UBE2E3: variants seen among roughly 807,000 people sequenced by gnomAD.
The protein encoded by UBE2E3 is ubiquitin-conjugating enzyme E2 E3.
UBE2E3 carries 5 observed loss-of-function variants against 23.6 expected under a neutral mutation model. That is an observed-to-expected ratio of 0.21 (90% CI 0.11 to 0.44). UBE2E3 has a LOEUF of 0.44. Ranked by LOEUF, UBE2E3 falls within the 20% of genes least tolerant of loss-of-function variation. UBE2E3 has a pLI of 0.99. For synonymous variants in UBE2E3, 78 were observed against 87.5 expected (o/e 0.89, Z 0.60); for missense variants, 81 against 249.8 (o/e 0.32, Z 4.55).
chr2:180,984,652 ATTGC>A (rs1293716341), intron 3 of UBE2E3, among the ~76,000 whole-genome samples: 1 of 152,172 alleles, frequency 6.6e-6, no homozygotes, highest in Non-Finnish European at 1.5e-5. Flanking sequence ...AAATGTCCTA[ATTGC>A]TTGGGAACAT....
At chr2:181,053,734 G>A (rs1574223274) in intron 3 of UBE2E3, among the ~76,000 whole-genome samples, 1 of 151,646 alleles carries the variant, frequency 6.6e-6, no homozygotes, top group African/African-American at 2.4e-5. Context: ...TTTCATATGG[G>A]TTCACTCTTG....
chr2:181,028,159 A>T (rs1269727975), intron 3 of UBE2E3, among the ~76,000 whole-genome samples: 1 of 152,086 alleles, frequency 6.6e-6, no homozygotes, highest in Non-Finnish European at 1.5e-5. Flanking sequence ...TAATGTAATT[A>T]CCTATTAATG....
intron 3 of UBE2E3, 86 bp downstream of exon 3, chr2:180,984,179 A>G: frequency 8.5e-7 from 1 of 1,173,890 alleles, no homozygotes; most frequent in Admixed American, 2.1e-5. Context: ...TGTGCAGCAG[A>G]GGAGACAACA....
chr2:181,058,633 T>C (rs1291860809), intron 4 of UBE2E3, among the ~76,000 whole-genome samples: 1 of 151,712 alleles, frequency 6.6e-6, no homozygotes, highest in African/African-American at 2.4e-5. Flanking sequence ...TATGGTGAAA[T>C]GTTTTTCTTT....
At chr2:180,988,474 A>G (rs939641424) in intron 3 of UBE2E3, among the ~76,000 whole-genome samples, 1 of 152,206 alleles carries the variant, frequency 6.6e-6, no homozygotes, top group African/African-American at 2.4e-5. Flanking sequence ...TCAATAGAGA[A>G]TATTATGATT....
intron 3 of UBE2E3, among the ~76,000 whole-genome samples, chr2:181,025,466 C>G (rs894355875): frequency 7.0e-6 from 1 of 142,842 alleles, no homozygotes; most frequent in African/African-American, 2.6e-5. Flanking sequence ...AACTTTGATA[C>G]TTCCTTTTCC....
chr2:181,024,729 A>T (rs1685824809), intron 3 of UBE2E3, among the ~76,000 whole-genome samples: 1 of 152,088 alleles, frequency 6.6e-6, no homozygotes, highest in Non-Finnish European at 1.5e-5. Flanking sequence ...ATCCTTGAGT[A>T]ATCTATTTTT....
intron 3 of UBE2E3, among the ~76,000 whole-genome samples, chr2:181,021,551 A>C (rs1290607041): frequency 3.3e-4 from 9 of 27,206 alleles, no homozygotes; most frequent in African/African-American, 8.2e-4. Flanking sequence ...TTTTAAATAT[A>C]CTCCCTTCCT....
At chr2:181,013,605 G>A (rs1685396738) in intron 3 of UBE2E3, among the ~76,000 whole-genome samples, 1 of 152,162 alleles carries the variant, frequency 6.6e-6, no homozygotes, top group South Asian at 2.1e-4. Flanking sequence ...ACATTTCCAT[G>A]TAACCTGGAC....
At chr2:181,036,218 A>G (rs969203501) in intron 3 of UBE2E3, among the ~76,000 whole-genome samples, 1 of 152,212 alleles carries the variant, frequency 6.6e-6, no homozygotes. Flanking sequence ...TGGGTTGGGC[A>G]TATAGATCAG....
At chr2:181,002,652 A>G (rs62180118) in intron 3 of UBE2E3, among the ~76,000 whole-genome samples, 35,346 of 152,156 alleles carry the variant, frequency 0.23, 4,467 homozygotes, top group Non-Finnish European at 0.28. Context: ...TAATATAAAA[A>G]TTAATGAGAT....
intron 4 of UBE2E3, among the ~76,000 whole-genome samples, chr2:181,058,048 C>G (rs987829258): frequency 6.6e-6 from 1 of 151,612 alleles, no homozygotes; most frequent in African/African-American, 2.4e-5. Context: ...GTAAATAAAA[C>G]TATACCTTGC....
intron 3 of UBE2E3, among the ~76,000 whole-genome samples, chr2:181,015,321 A>G (rs1574183807): frequency 6.6e-6 from 1 of 152,172 alleles, no homozygotes; most frequent in Non-Finnish European, 1.5e-5. Context: ...CACATAGCTT[A>G]TATGTGTTCT....
chr2:180,996,140 T>C (rs956828706), intron 3 of UBE2E3, among the ~76,000 whole-genome samples: 4 of 152,230 alleles, frequency 2.6e-5, no homozygotes, highest in Non-Finnish European at 5.9e-5. Flanking sequence ...ATTGCTTTGC[T>C]CTAGGAAACC....
intron 3 of UBE2E3, among the ~76,000 whole-genome samples, chr2:181,034,792 T>G (rs1228141919): frequency 6.6e-6 from 1 of 152,190 alleles, no homozygotes; most frequent in Non-Finnish European, 1.5e-5. Context: ...TATTCAGGTT[T>G]CTAAAGAACA....
Position 181,036,748 on chromosome 2 carries a change from T to C in UBE2E3, c.246-20945T>C, listed in dbSNP as rs191487876. Among the ~76,000 whole-genome samples the C allele has an allele frequency of 8.1e-4, 124 of 152,332 alleles. 1 individual carries two copies. The highest frequency in any genetic ancestry group is 3.0e-3 in the African/African-American group (124 of 41,566). ...ACTCTAACTTGTTTTTTATTAACTT[T>C]TCTTAACTGTATGTATAGCTCACAT... On this transcript the variant is annotated intron_variant, in intron 3 of 5. Transcript: ENST00000410062.
chr2:180,982,503 G>T (rs1684332063), intron 2 of UBE2E3, among the ~76,000 whole-genome samples: 1 of 152,062 alleles, frequency 6.6e-6, no homozygotes. Context: ...CTGACAGATT[G>T]TTTAAGGAGT....
At chr2:181,032,778 T>C (rs1686124357) in intron 3 of UBE2E3, among the ~76,000 whole-genome samples, 1 of 152,030 alleles carries the variant, frequency 6.6e-6, no homozygotes, top group African/African-American at 2.4e-5. Context: ...AATTTAGGAT[T>C]ATCAAACACT....
chr2:181,034,457 C>G (rs1025052801), intron 3 of UBE2E3, among the ~76,000 whole-genome samples: 15 of 152,144 alleles, frequency 9.9e-5, no homozygotes, highest in African/African-American at 3.4e-4. Context: ...GGTTCTCACT[C>G]ATAGGTGGGA....
Sources: gnomAD v4.1 joint callset for allele counts (sites outside exome capture counted in the v4.1 genomes callset) on GRCh38, gnomAD v4.1.1 for gene constraint, MANE v1.5 for transcripts, NCBI Gene and HGNC (gene_info 2026-07-23, HGNC 2026-07-21) for gene names.